Variants in GLCE observed in about 807,000 individuals in gnomAD.
GLCE encodes the protein glucuronic acid epimerase, also known as D-glucuronyl C5-epimerase.
GLCE carries 19 observed loss-of-function variants against 47.9 expected under a neutral mutation model. The ratio of observed to expected loss-of-function variants is 0.40; its 90% CI spans 0.28 to 0.58. The LOEUF is 0.58. Ranked by LOEUF, GLCE falls within the 20% of genes least tolerant of loss-of-function variation. The pLI, the probability that GLCE is intolerant of heterozygous loss-of-function variation, is 0.48. For synonymous variants in GLCE, 245 were observed against 263.4 expected (o/e 0.93, Z 0.68); for missense variants, 556 against 743.3 (o/e 0.75, Z 2.93).
chr15:69,172,805 G>C (rs12914938), intron 1 of GLCE, among the ~76,000 whole-genome samples: 77,834 of 152,078 alleles, frequency 0.51, 23,477 homozygotes, highest in Non-Finnish European at 0.65. Context: ...GGGAATGCTG[G>C]TATATATACA....
chr15:69,194,875 T>C (rs182371401), intron 1 of GLCE, among the ~76,000 whole-genome samples: 1 of 152,266 alleles, frequency 6.6e-6, no homozygotes, highest in East Asian at 1.9e-4. Context: ...AATGTGAAAA[T>C]CTCTAATCCA....
chr15:69,248,793 G>A (rs1446242019), intron 2 of GLCE, among the ~76,000 whole-genome samples: 1 of 152,062 alleles, frequency 6.6e-6, no homozygotes, highest in African/African-American at 2.4e-5. Context: ...GTACAGATGG[G>A]ATTTCACCAT....
chr15:69,256,238 T>C lies in GLCE; in HGVS notation c.432T>C (p.Val144=). The change falls in exon 3 of 5, where the codon GTT becomes GTC. Residue 144 remains valine, a synonymous_variant. Transcript: ENST00000261858. The part of the protein sequence containing the change: ...EKYFDVYGKV[V]QYDGYDRFEF... ...ATTTTGATGTTTATGGAAAGGTGGT[T>C]CAGTATGATGGCTATGATCGGTTTG... The C allele has an allele frequency of 6.2e-7, 1 of 1,614,108 alleles. No individual in the cohort carries two copies. Among genetic ancestry groups the C allele is most frequent in the Non-Finnish European group, 8.5e-7 (1 of 1,179,982 alleles).
chr15:69,182,154 G>A (rs1245014020), intron 1 of GLCE, among the ~76,000 whole-genome samples: 1 of 151,990 alleles, frequency 6.6e-6, no homozygotes, highest in Non-Finnish European at 1.5e-5. Flanking sequence ...TAAGAGAGTG[G>A]CAGAATGGAT....
At chr15:69,195,752 T>C (rs1281041633) in intron 1 of GLCE, among the ~76,000 whole-genome samples, 1 of 152,126 alleles carries the variant, frequency 6.6e-6, no homozygotes, top group East Asian at 1.9e-4. Context: ...GAAATATGAA[T>C]GTAATATTTT....
At position 69,270,727 on chromosome 15, in the gene GLCE, T is replaced by C. The variant is rs1176714853; in HGVS notation, c.*1483T>C. ...CACTACTTAGAAACTGGAAAACATA[T>C]ATATGTTAGCATCAAAGGGGGCAGA... On this transcript the variant is annotated 3_prime_UTR_variant, in exon 5 of 5. Coordinates refer to ENST00000261858, the MANE Select transcript of GLCE (RefSeq NM_015554.3). The C allele has an allele frequency of 6.6e-6, 1 of 152,114 alleles. No individual in the cohort carries two copies. Among genetic ancestry groups the C allele is most frequent in the Non-Finnish European group, 1.5e-5 (1 of 68,016 alleles). The allele number at this position is 152,114 out of a possible 1,614,324, so 9.4% of individuals were successfully genotyped here. A position where few individuals can be genotyped will look rare whatever the true frequency, so the allele number is the denominator to read the frequency against.
intron 2 of GLCE, 56 bp from the exon 3 acceptor site, chr15:69,255,738 C>A: frequency 1.0e-6 from 1 of 960,462 alleles, no homozygotes; most frequent in Non-Finnish European, 1.6e-6. Context: ...AAACTTTATC[C>A]TATGAAATGC....
intron 2 of GLCE, among the ~76,000 whole-genome samples, chr15:69,239,301 ACATG>A (rs1320349992): frequency 4.6e-5 from 7 of 152,220 alleles, no homozygotes; most frequent in Non-Finnish European, 1.0e-4. Flanking sequence ...TACAACACAG[ACATG>A]ATGGCTGAGG....
At chr15:69,230,817 T>C (rs1165571731) in intron 2 of GLCE, among the ~76,000 whole-genome samples, 2 of 152,230 alleles carry the variant, frequency 1.3e-5, no homozygotes, top group South Asian at 4.1e-4. Flanking sequence ...TTTACAGTTC[T>C]GGAGATCAGA....
intron 1 of GLCE, among the ~76,000 whole-genome samples, chr15:69,193,725 T>C (rs1182468516): frequency 1.3e-5 from 2 of 152,048 alleles, no homozygotes; most frequent in Admixed American, 1.3e-4. Context: ...GTGCTTGTAC[T>C]ACCTGGAGAG....
At chr15:69,229,174 A>C (rs1051383069) in intron 2 of GLCE, among the ~76,000 whole-genome samples, 6 of 152,252 alleles carry the variant, frequency 3.9e-5, no homozygotes, top group African/African-American at 1.4e-4. Flanking sequence ...ATAATATAAA[A>C]GGTCCATACA....
chr15:69,225,531 G>A (rs1265702883), intron 2 of GLCE, among the ~76,000 whole-genome samples: 3 of 152,182 alleles, frequency 2.0e-5, no homozygotes, highest in African/African-American at 4.8e-5. Context: ...AGGTTATCAT[G>A]TATAAGCAAT....
chr15:69,208,377 C>T (rs1376631404), intron 1 of GLCE, among the ~76,000 whole-genome samples: 2 of 151,886 alleles, frequency 1.3e-5, no homozygotes, highest in Non-Finnish European at 2.9e-5. Context: ...TGTTCCAACA[C>T]CATTTGTTGA....
intron 2 of GLCE, among the ~76,000 whole-genome samples, chr15:69,254,928 A>G (rs2052900131): frequency 6.6e-6 from 1 of 152,168 alleles, no homozygotes. Context: ...GCCCTAAGGT[A>G]CTCTAACATT....
intron 2 of GLCE, among the ~76,000 whole-genome samples, chr15:69,242,495 T>C (rs183721707): frequency 6.6e-6 from 1 of 152,248 alleles, no homozygotes; most frequent in Admixed American, 6.5e-5. Flanking sequence ...ACTATAGATA[T>C]ATAGTAATAC....
chr15:69,185,081 G>T (rs1400671699), intron 1 of GLCE, among the ~76,000 whole-genome samples: 2 of 152,162 alleles, frequency 1.3e-5, no homozygotes, highest in East Asian at 3.9e-4. Context: ...TGCTTACAGT[G>T]TTTGCCTTGG....
chr15:69,193,737 A>C (rs1439923620), intron 1 of GLCE, among the ~76,000 whole-genome samples: 1 of 151,950 alleles, frequency 6.6e-6, no homozygotes, highest in Non-Finnish European at 1.5e-5. Flanking sequence ...CCTGGAGAGT[A>C]AGTGTCTCCT....
At chr15:69,211,328 CCTA>C (rs2052230937) in intron 2 of GLCE, among the ~76,000 whole-genome samples, 1 of 151,946 alleles carries the variant, frequency 6.6e-6, no homozygotes, top group African/African-American at 2.4e-5. Flanking sequence ...ATTTGTCTCT[CCTA>C]CTAAATTTAA....
intron 2 of GLCE, among the ~76,000 whole-genome samples, chr15:69,213,929 C>G (rs183914008): frequency 2.0e-5 from 3 of 152,150 alleles, no homozygotes; most frequent in Admixed American, 2.0e-4. Context: ...AATCAAAATT[C>G]TGTTGTTATT....
Sources: gnomAD v4.1 joint callset for allele counts (sites outside exome capture counted in the v4.1 genomes callset) on GRCh38, gnomAD v4.1.1 for gene constraint, MANE v1.5 for transcripts, NCBI Gene and HGNC (gene_info 2026-07-23, HGNC 2026-07-21) for gene names.